Variants in ULK4 observed in about 807,000 individuals in gnomAD.
ULK4 encodes unc-51 like kinase 4, also known as inactive serine/threonine-protein kinase ULK4.
Under a neutral mutation model 160.6 loss-of-function variants are expected in ULK4, and 133 were observed. The observed-to-expected ratio is 0.83, with a 90% CI of 0.72 to 0.96. ULK4 has a LOEUF of 0.96. Ranked by LOEUF, ULK4 falls within the 40% of genes least tolerant of loss-of-function variation. ULK4 has a pLI of 0.00. For missense variants in ULK4, 1,580 were observed against 1,499.5 expected (o/e 1.05, Z -0.89); for synonymous variants, 534 against 539.8 (o/e 0.99, Z 0.15).
intron 35 of ULK4, among the ~76,000 whole-genome samples, chr3:41,317,162 G>A (rs1489937616): frequency 1.5e-5 from 2 of 134,724 alleles, no homozygotes; most frequent in African/African-American, 2.8e-5. Context: ...TGCAAGCTCC[G>A]CTTCCCGGGT....
chr3:41,732,352 T>C (rs1465440004), intron 22 of ULK4, among the ~76,000 whole-genome samples: 1 of 152,092 alleles, frequency 6.6e-6, no homozygotes, highest in East Asian at 1.9e-4. Flanking sequence ...AACAGGTATA[T>C]TTAAAAATGC....
chr3:41,743,668 A>AT (rs1175792568), intron 22 of ULK4, among the ~76,000 whole-genome samples: 1 of 151,584 alleles, frequency 6.6e-6, no homozygotes, highest in Non-Finnish European at 1.5e-5. Flanking sequence ...CCTTAAGACA[A>AT]TTTTTTTTCT....
chr3:41,859,824 ATTTT>A (rs397875093), intron 17 of ULK4, among the ~76,000 whole-genome samples: 6 of 115,882 alleles, frequency 5.2e-5, no homozygotes, highest in African/African-American at 1.7e-4. Flanking sequence ...TGCCTGGCTA[ATTTT>A]TTTTTTTTTT....
rs546137152 is a variant in ULK4 at position 41,433,629 on chromosome 3, T to C, written c.3492+21868A>G. Among the ~76,000 whole-genome samples, 22 of 152,338 alleles carry C rather than the reference T, an allele frequency of 1.4e-4. No individual in the cohort carries two copies. The South Asian group carries it at 1.7e-3, about 11-fold the overall frequency. ...ATGGGAAATCTTACTAATTTGATTA[T>C]GGTATGTTCATACAGTACCACAGTC... On this transcript the variant is annotated intron_variant, in intron 34 of 36. Coordinates refer to ENST00000301831, the MANE Select transcript of ULK4 (RefSeq NM_017886.4).
chr3:41,883,948 C>T lies in ULK4; in HGVS notation c.1582G>A (p.Ala528Thr). ...LRIAPNWDIR[A>T]KVAHVIGLLA... ...AAACCAATTACGTGAGCAACCTTGG[C>T]CCGTCTGTAAATGGAGAGAAAACAG... The change falls in exon 17 of 37, where the codon GCC becomes ACC. Residue 528 changes from alanine to threonine, a missense_variant. Transcript: ENST00000301831. 2 of 1,608,454 alleles carry T rather than the reference C, an allele frequency of 1.2e-6. No individual in the cohort carries two copies.
intron 17 of ULK4, among the ~76,000 whole-genome samples, chr3:41,866,018 A>C (rs1696853807): frequency 6.6e-6 from 1 of 152,228 alleles, no homozygotes; most frequent in African/African-American, 2.4e-5. Flanking sequence ...ATGTTGGATA[A>C]AGAACTTGTA....
intron 3 of ULK4, 69 bp downstream of exon 3, chr3:41,938,029 T>C: frequency 1.6e-6 from 2 of 1,216,904 alleles, no homozygotes; most frequent in South Asian, 1.8e-5. Context: ...ACATCAAAAG[T>C]AACAAAACTT....
At chr3:41,749,529 T>G (rs1378613286) in intron 22 of ULK4, among the ~76,000 whole-genome samples, 1 of 152,140 alleles carries the variant, frequency 6.6e-6, no homozygotes, top group South Asian at 2.1e-4. Flanking sequence ...TGCCCAACTA[T>G]AGGCTAATGT....
intron 22 of ULK4, among the ~76,000 whole-genome samples, chr3:41,725,505 C>T (rs1470492464): frequency 1.3e-5 from 2 of 152,158 alleles, no homozygotes; most frequent in African/African-American, 4.8e-5. Context: ...GCCAAATCCA[C>T]TGACTTGTTA....
intron 36 of ULK4, among the ~76,000 whole-genome samples, chr3:41,248,211 T>G (rs529843771): frequency 3.9e-5 from 6 of 152,320 alleles, no homozygotes; most frequent in African/African-American, 1.4e-4. Context: ...TCTGTGGCTC[T>G]CTCTCTGCCC....
chr3:41,830,039 C>G (rs555654426), intron 18 of ULK4, among the ~76,000 whole-genome samples: 27 of 151,710 alleles, frequency 1.8e-4, no homozygotes, highest in Non-Finnish European at 3.5e-4. Context: ...AGCAAACTAT[C>G]GCAAGGACAA....
intron 6 of ULK4, among the ~76,000 whole-genome samples, chr3:41,919,036 TG>T (rs1164566055): frequency 6.6e-6 from 1 of 152,194 alleles, no homozygotes; most frequent in Non-Finnish European, 1.5e-5. Flanking sequence ...TACTTCAAAA[TG>T]TATTATCATC....
chr3:41,332,139 T>C (rs1222393686), intron 35 of ULK4, among the ~76,000 whole-genome samples: 1 of 151,696 alleles, frequency 6.6e-6, no homozygotes, highest in Admixed American at 6.6e-5. Flanking sequence ...GAAATCTGAG[T>C]GTGGCCACTG....
intron 34 of ULK4, among the ~76,000 whole-genome samples, chr3:41,403,197 T>G (rs1377595374): frequency 1.3e-5 from 2 of 152,070 alleles, no homozygotes; most frequent in Admixed American, 6.6e-5. Flanking sequence ...TTAATTCTTC[T>G]GTAATTGTTT....
intron 21 of ULK4, among the ~76,000 whole-genome samples, chr3:41,780,707 G>C (rs2039811194): frequency 6.6e-6 from 1 of 152,160 alleles, no homozygotes; most frequent in South Asian, 2.1e-4. Context: ...ATAGCTTCCA[G>C]AGTTTCCATA....
chr3:41,424,362 G>C (rs2082729735), intron 34 of ULK4, among the ~76,000 whole-genome samples: 1 of 152,178 alleles, frequency 6.6e-6, no homozygotes, highest in African/African-American at 2.4e-5. Flanking sequence ...AGGAATCCGG[G>C]CAGTCTGGAC....
chr3:41,261,914 C>A (rs1230163261), intron 35 of ULK4, among the ~76,000 whole-genome samples: 2 of 152,224 alleles, frequency 1.3e-5, no homozygotes, highest in Non-Finnish European at 2.9e-5. Context: ...AGTGAATCAA[C>A]AGTTTGCTGG....
rs888258972 is a variant in ULK4 at position 41,388,013 on chromosome 3, T to C, written c.3678+10066A>G. On this transcript the variant is annotated intron_variant, in intron 35 of 36. Transcript: ENST00000301831. ...CAACAGTGTAAAAGTGTTCTTATTT[T>C]TCCACATCCTCTCCAGCACCTGTTG... Among the ~76,000 whole-genome samples, 76 of 152,186 alleles carry C rather than the reference T, an allele frequency of 5.0e-4. 1 individual carries two copies. The South Asian group carries it at 5.8e-3, about 12-fold the overall frequency.
intron 13 of ULK4, 35 bp downstream of exon 13, chr3:41,900,690 G>C (rs1440222296): frequency 6.6e-7 from 1 of 1,507,292 alleles, no homozygotes; most frequent in African/African-American, 1.4e-5. Flanking sequence ...TCTCAGTAAA[G>C]TCTACAACTC....
Sources: allele counts gnomAD v4.1 joint callset (sites outside exome capture counted in the v4.1 genomes callset), GRCh38; gene constraint gnomAD v4.1.1; transcripts MANE v1.5; gene names NCBI Gene and HGNC (gene_info 2026-07-23, HGNC 2026-07-21).